Variants in TBL1X observed in about 807,000 individuals in gnomAD.
The protein encoded by TBL1X is F-box-like/WD repeat-containing protein TBL1X.
Under a neutral mutation model 50.7 loss-of-function variants are expected in TBL1X, and 10 were observed. That is an observed-to-expected ratio of 0.20 (90% CI 0.12 to 0.33). TBL1X has a LOEUF of 0.33. TBL1X is among the 10% of genes least tolerant of loss of function. TBL1X has a pLI of 1.00. For missense variants in TBL1X, 340 were observed against 504.4 expected, an observed-to-expected ratio of 0.67 and a Z score of 3.12; for synonymous variants, 190 against 214.7, an observed-to-expected ratio of 0.88 and a Z score of 1.01.
chrX:9,594,213 G>C (rs2082516720), intron 2 of TBL1X, among the ~76,000 whole-genome samples: 1 of 112,656 alleles, frequency 8.9e-6, no homozygotes, highest in Non-Finnish European at 1.9e-5. Context: ...TTATAAAATA[G>C]GGCACCTTGT....
chrX:9,660,897 G>A (rs1161914608), intron 5 of TBL1X, among the ~76,000 whole-genome samples: 1 of 112,417 alleles, frequency 8.9e-6, no homozygotes, highest in African/African-American at 3.2e-5. Context: ...AACCCCCAAG[G>A]GGATGGTATT....
intron 2 of TBL1X, among the ~76,000 whole-genome samples, chrX:9,639,525 G>A (rs971448502): frequency 8.9e-6 from 1 of 112,070 alleles, no homozygotes; most frequent in Non-Finnish European, 1.9e-5. Context: ...TATAGTGACT[G>A]AGAAATAAAA....
At chrX:9,474,223 T>G (rs1224755580) in intron 1 of TBL1X, among the ~76,000 whole-genome samples, 1 of 112,999 alleles carries the variant, frequency 8.8e-6, no homozygotes, top group Non-Finnish European at 1.9e-5. Context: ...ATATATTTAA[T>G]AAATTACATG....
At chrX:9,715,163 G>A (rs1156762616) in intron 17 of TBL1X, among the ~76,000 whole-genome samples, 160 bp downstream of exon 17, 2 of 111,733 alleles carry the variant, frequency 1.8e-5, no homozygotes, top group Non-Finnish European at 3.8e-5. Flanking sequence ...ACCACATCTG[G>A]GAATGGCCTT....
intron 2 of TBL1X, among the ~76,000 whole-genome samples, chrX:9,575,256 C>T (rs906227499): frequency 1.3e-4 from 15 of 111,134 alleles, no homozygotes; most frequent in African/African-American, 4.6e-4. Flanking sequence ...CCCCATGACC[C>T]AATCACCTCC....
At chrX:9,666,071 A>T (rs1270759337) in intron 5 of TBL1X, among the ~76,000 whole-genome samples, 1 of 111,548 alleles carries the variant, frequency 9.0e-6, no homozygotes. Flanking sequence ...TTGGCTTTGG[A>T]TTGCCTTGCA....
chrX:9,582,401 C>T (rs1303958874), intron 2 of TBL1X, among the ~76,000 whole-genome samples: 1 of 112,252 alleles, frequency 8.9e-6, no homozygotes, highest in African/African-American at 3.2e-5. Flanking sequence ...CTAGTACTTA[C>T]AGTTCTATTC....
At chrX:9,679,187 TG>T (rs776300391) in intron 5 of TBL1X, among the ~76,000 whole-genome samples, 2 of 108,471 alleles carry the variant, frequency 1.8e-5, no homozygotes, top group African/African-American at 3.4e-5. Flanking sequence ...AGAGTAGAGC[TG>T]GGGGTAGTGG....
chrX:9,597,883 T>C (rs747428416), intron 2 of TBL1X, among the ~76,000 whole-genome samples: 9 of 111,923 alleles, frequency 8.0e-5, no homozygotes, highest in African/African-American at 2.9e-4. Flanking sequence ...GCTCCAGTGT[T>C]GTTAATGATG....
intron 2 of TBL1X, among the ~76,000 whole-genome samples, chrX:9,522,513 T>G (rs1195106044): frequency 9.0e-6 from 1 of 111,230 alleles, no homozygotes; most frequent in Non-Finnish European, 1.9e-5. Context: ...AGGAGCTCTC[T>G]GAAGGCCGAG....
intron 12 of TBL1X, among the ~76,000 whole-genome samples, chrX:9,698,522 G>C (rs2083147284): frequency 1.8e-5 from 2 of 112,133 alleles, no homozygotes; most frequent in Admixed American, 9.4e-5. Flanking sequence ...AACTATGCCT[G>C]TGAAGTGTTT....
chrX:9,654,208 T>C lies in TBL1X; in HGVS notation c.104-7T>C. Reference sequence around the variant, plus strand: ...GTGTTTCAAAACTCTCTTCTCTTTTTGAACAGAGGGTGGTTCCCACTTCAT... The same window carrying C: ...GTGTTTCAAAACTCTCTTCTCTTTTCGAACAGAGGGTGGTTCCCACTTCAT... On this transcript the variant is annotated splice_polypyrimidine_tract_variant and splice_region_variant and intron_variant, in intron 4 of 17. Transcript: ENST00000645353. The C allele has an allele frequency of 8.3e-7, 1 of 1,206,377 alleles. No individual in the cohort carries two copies.
chrX:9,520,286 A>G (rs2082100550), intron 2 of TBL1X, among the ~76,000 whole-genome samples: 1 of 112,058 alleles, frequency 8.9e-6, no homozygotes, highest in Non-Finnish European at 1.9e-5. Context: ...CCTCTTCCAG[A>G]ATAAGTAGCA....
At chrX:9,684,007 G>C in intron 5 of TBL1X, 36 bp from the exon 6 acceptor site, 1 of 1,211,336 alleles carries the variant, frequency 8.3e-7, no homozygotes, top group East Asian at 3.0e-5. Flanking sequence ...TTCAATTCGG[G>C]TCTCACTCAA....
chrX:9,483,351 A>C (rs1431551375), intron 1 of TBL1X, among the ~76,000 whole-genome samples: 2 of 112,580 alleles, frequency 1.8e-5, no homozygotes, highest in African/African-American at 6.4e-5. Context: ...AAAAAGACCA[A>C]CAAGACTTTG....
chrX:9,650,735 T>G (rs1244310181), intron 3 of TBL1X, among the ~76,000 whole-genome samples: 1 of 111,693 alleles, frequency 9.0e-6, no homozygotes, highest in Non-Finnish European at 1.9e-5. Flanking sequence ...ATTGTAAAAC[T>G]TCAATTTTTC....
intron 2 of TBL1X, among the ~76,000 whole-genome samples, chrX:9,541,520 T>C (rs937759317): frequency 5.4e-5 from 6 of 111,979 alleles, no homozygotes; most frequent in African/African-American, 1.9e-4. Flanking sequence ...TTTGCAGAGA[T>C]GAGAAACAAA....
intron 5 of TBL1X, among the ~76,000 whole-genome samples, chrX:9,683,625 G>A (rs1319541012): frequency 9.0e-6 from 1 of 111,373 alleles, no homozygotes; most frequent in African/African-American, 3.3e-5. Flanking sequence ...GTGCTTTCAG[G>A]GGGTGACACA....
intron 1 of TBL1X, among the ~76,000 whole-genome samples, chrX:9,488,112 A>G (rs763716345): frequency 6.2e-5 from 7 of 112,408 alleles, no homozygotes; most frequent in Non-Finnish European, 1.1e-4. Flanking sequence ...TGTACCTGCA[A>G]TGAAGGGCTT....
Sources: gnomAD v4.1 joint callset for allele counts (sites outside exome capture counted in the v4.1 genomes callset) on GRCh38, gnomAD v4.1.1 for gene constraint, MANE v1.5 for transcripts, NCBI Gene and HGNC (gene_info 2026-07-23, HGNC 2026-07-21) for gene names.